The following SMIM7 variants were observed in gnomAD, a reference collection of about 807,000 sequenced individuals.
The protein encoded by SMIM7 is small integral membrane protein 7.
A neutral mutation model predicts 13.3 loss-of-function variants in SMIM7; 12 were observed. The observed-to-expected ratio is 0.90, with a 90% confidence interval of 0.58 to 1.46. The LOEUF is 1.46. Among genes scored for constraint, SMIM7 ranks in the 40% most tolerant of loss-of-function variants. SMIM7 has a pLI of 0.00. For missense variants in SMIM7, 114 were observed against 94.8 expected (o/e 1.20, Z -0.84); for synonymous variants, 36 against 35.8 (o/e 1.01, Z -0.02).
downstream of SMIM7, chr19:16,644,952 G>A (rs1191822918): frequency 1.3e-5 from 2 of 152,202 alleles, no homozygotes; most frequent in Non-Finnish European, 2.9e-5. Context: ...GCTTGGAGAG[G>A]AGAAAGCAAT....
At chr19:16,653,769 C>A in intron 4 of SMIM7, 1 of 462,652 alleles carries the variant, frequency 2.2e-6, no homozygotes, top group Non-Finnish European at 3.8e-6. Context: ...GTGGCACGCA[C>A]CTGTAGTCCC....
intron 4 of SMIM7, chr19:16,635,258 G>C (rs966870804): frequency 6.6e-6 from 1 of 151,660 alleles, no homozygotes; most frequent in Non-Finnish European, 1.5e-5. Context: ...AGCTACTCAG[G>C]AGGCTGAGGC....
At chr19:16,641,802 G>A (rs62116923), downstream of SMIM7, among the ~76,000 whole-genome samples, 160 of 152,260 alleles carry the variant, frequency 1.1e-3, no homozygotes, top group Non-Finnish European at 2.1e-3. Context: ...TTTTGCCACA[G>A]CGGTCAGGCT....
At chr19:16,650,555 GAA>G (rs1162009241) in intron 4 of SMIM7, among the ~76,000 whole-genome samples, 2 of 152,018 alleles carry the variant, frequency 1.3e-5, no homozygotes, top group Non-Finnish European at 2.9e-5. Flanking sequence ...ACCAAAAATA[GAA>G]AAATTAGCCA....
rs2086456875 is a variant in SMIM7, at chr19:16,647,006, T to G, written c.*240A>C. ...TCACAGCCCCTTACATAAACGCTCC[T>G]GAAACCCTTTCAGTAGACAGCATTT... On this transcript the variant is annotated 3_prime_UTR_variant, in exon 5 of 5. Coordinates refer to ENST00000487416, the MANE Select transcript of SMIM7 (RefSeq NM_024104.4). The G allele has an allele frequency of 1.7e-6, 1 of 597,956 alleles. No individual in the cohort carries two copies. Among genetic ancestry groups the G allele is most frequent in the African/African-American group, 1.9e-5 (1 of 53,752 alleles). The allele number at this position is 597,956 out of a possible 1,614,324, so 37.0% of individuals were successfully genotyped here. A position where few individuals can be genotyped will look rare whatever the true frequency, so the allele number is the denominator to read the frequency against.
At chr19:16,648,824 T>C (rs1051234979) in intron 4 of SMIM7, among the ~76,000 whole-genome samples, 6 of 151,624 alleles carry the variant, frequency 4.0e-5, no homozygotes, top group African/African-American at 9.7e-5. Flanking sequence ...CTGGGCAACA[T>C]AGCGAAACCC....
At chr19:16,635,899 A>AAAAAAAAAAAAAAAATAT (rs1200181092) in intron 4 of SMIM7, among the ~76,000 whole-genome samples, 1 of 109,598 alleles carries the variant, frequency 9.1e-6, no homozygotes, top group African/African-American at 4.3e-5. Context: ...AAAAAAAAAA[A>AAAAAAAAAAAAAAAATAT]ATATATATAT....
In SMIM7 at chr19:16,646,441, A is replaced by G. The variant is rs1013611516; in HGVS notation, c.*805T>C. On this transcript the variant is annotated 3_prime_UTR_variant, in exon 5 of 5. Coordinates refer to ENST00000487416, the MANE Select transcript of SMIM7 (RefSeq NM_024104.4). Reference sequence around the variant, plus strand: ...GGAAAATGCTGTATTTCCTAGATGAAGGCCCCTGGTTTTTCAACCTCAAAA... The same window carrying G: ...GGAAAATGCTGTATTTCCTAGATGAGGGCCCCTGGTTTTTCAACCTCAAAA... 1 of 152,308 alleles carries G rather than the reference A, an allele frequency of 6.6e-6. No individual in the cohort carries two copies. Among genetic ancestry groups the G allele is most frequent in the Admixed American group, 6.5e-5 (1 of 15,278 alleles). The allele number at this position is 152,308 out of a possible 1,614,324, so 9.4% of individuals were successfully genotyped here. A position where few individuals can be genotyped will look rare whatever the true frequency, so the allele number is the denominator to read the frequency against.
chr19:16,653,941 A>G, intron 4 of SMIM7, 94 bp downstream of exon 4: 1 of 941,236 alleles, frequency 1.1e-6, no homozygotes, highest in Non-Finnish European at 1.6e-6. Context: ...TACAAGAGTG[A>G]TGACTGAAAA....
At chr19:16,659,493 T>A (rs1225776062) in intron 2 of SMIM7, 46 bp from the exon 3 acceptor site, 3 of 1,584,092 alleles carry the variant, frequency 1.9e-6, no homozygotes, top group African/African-American at 2.7e-5. Flanking sequence ...GGACATAGAG[T>A]CCTCAGCCCC....
chr19:16,641,771 G>T (rs2086405798), downstream of SMIM7, among the ~76,000 whole-genome samples: 1 of 152,148 alleles, frequency 6.6e-6, no homozygotes, highest in South Asian at 2.1e-4. Flanking sequence ...GCTAGTTTTT[G>T]TATTTTTAGT....
intron 3 of SMIM7, among the ~76,000 whole-genome samples, chr19:16,657,376 T>C (rs1209439347): frequency 1.4e-5 from 2 of 142,894 alleles, no homozygotes; most frequent in African/African-American, 2.4e-5. Flanking sequence ...GATTCGGATC[T>C]GTACAGTGCA....
chr19:16,634,739 C>T (rs1474029747), intron 4 of SMIM7: 2 of 134,684 alleles, frequency 1.5e-5, no homozygotes, highest in Non-Finnish European at 3.0e-5. Context: ...GATCGTGCCA[C>T]TGCACTCCAG....
Position 16,655,314 on chromosome 19 carries a change from TG to T in SMIM7, c.122-1190del, listed in dbSNP as rs1408932199. The T allele has an allele frequency of 2.4e-5, 11 of 456,070 alleles. No homozygotes were observed. In the East Asian group the frequency reaches 7.6e-4, roughly 32 times the overall value. 28.3% of individuals were successfully genotyped at this position (456,070 alleles called of 1,614,324 possible). On this transcript the variant is annotated intron_variant, in intron 3 of 4. Coordinates refer to ENST00000487416, the MANE Select transcript of SMIM7 (RefSeq NM_024104.4). The stretch of plus-strand genomic sequence containing the variant: ...TTAGTACGTGAAGACTCCAGAGACC[TG>T]GGTTCTAGACCCTTCTTCCAGGGTT...
chr19:16,654,157 A>G, intron 3 of SMIM7, 32 bp from the exon 4 acceptor site: 2 of 1,579,604 alleles, frequency 1.3e-6, no homozygotes, highest in Non-Finnish European at 1.7e-6. Flanking sequence ...TTTATGGCAC[A>G]GCTAACATCC....
intron 4 of SMIM7, among the ~76,000 whole-genome samples, chr19:16,638,300 T>C (rs2086375911): frequency 7.0e-6 from 1 of 142,820 alleles, no homozygotes; most frequent in South Asian, 2.3e-4. Flanking sequence ...TTTTCTTTTT[T>C]CTTTTTTTTT....
At chr19:16,649,770 C>T (rs371346386) in intron 4 of SMIM7, among the ~76,000 whole-genome samples, 1 of 152,098 alleles carries the variant, frequency 6.6e-6, no homozygotes, top group Non-Finnish European at 1.5e-5. Flanking sequence ...AATAGTCATA[C>T]AAGAGAATGA....
chr19:16,634,193 G>A (rs1340608122), intron 4 of SMIM7: 1 of 152,106 alleles, frequency 6.6e-6, no homozygotes, highest in African/African-American at 2.4e-5. Context: ...ATTATTCTTA[G>A]TACTAAACAG....
At chr19:16,653,658 G>A (rs751858048) in intron 4 of SMIM7, 7 of 215,238 alleles carry the variant, frequency 3.3e-5, no homozygotes, top group Admixed American at 2.2e-4. Flanking sequence ...CACTTTGGGA[G>A]CCCAAGGTGG....
Sources: gnomAD v4.1 joint callset for allele counts (sites outside exome capture counted in the v4.1 genomes callset) on GRCh38, gnomAD v4.1.1 for gene constraint, MANE v1.5 for transcripts, NCBI Gene and HGNC (gene_info 2026-07-23, HGNC 2026-07-21) for gene names.